Variants in PITPNC1 observed in about 807,000 individuals in gnomAD.
PITPNC1 encodes phosphatidylinositol transfer protein cytoplasmic 1, also known as cytoplasmic phosphatidylinositol transfer protein 1.
In PITPNC1, 18 loss-of-function variants were observed where a neutral mutation model predicts 44.7. The ratio of observed to expected loss-of-function variants is 0.40; its 90% CI spans 0.28 to 0.60. PITPNC1 has a LOEUF of 0.60. Ranked by LOEUF, PITPNC1 falls within the 20% of genes least tolerant of loss-of-function variation. PITPNC1 has a pLI of 0.39. For synonymous variants in PITPNC1, 141 were observed against 149.6 expected, an observed-to-expected ratio of 0.94 and a Z score of 0.42; for missense variants, 290 against 418.4, an observed-to-expected ratio of 0.69 and a Z score of 2.68.
intron 1 of PITPNC1, among the ~76,000 whole-genome samples, chr17:67,491,803 C>CT (rs2039867990): frequency 1.3e-5 from 2 of 152,114 alleles, no homozygotes; most frequent in African/African-American, 2.4e-5. Flanking sequence ...CTGCCTCCAG[C>CT]CTGGGTGACA....
intron 6 of PITPNC1, among the ~76,000 whole-genome samples, chr17:67,647,462 G>GTTTTTTTTTT (rs1491334449): frequency 7.3e-5 from 7 of 96,250 alleles, no homozygotes; most frequent in African/African-American, 3.2e-4. Flanking sequence ...AGCTAATTTT[G>GTTTTTTTTTT]GGTTTTTTTT....
chr17:67,680,370 C>T (rs1397006633), intron 8 of PITPNC1, among the ~76,000 whole-genome samples: 4 of 152,076 alleles, frequency 2.6e-5, no homozygotes, highest in African/African-American at 7.2e-5. Context: ...GAGGCCAAGG[C>T]GGGCAGATCA....
At chr17:67,533,850 A>G (rs2144130565) in intron 2 of PITPNC1, among the ~76,000 whole-genome samples, 1 of 152,154 alleles carries the variant, frequency 6.6e-6, no homozygotes, top group Admixed American at 6.6e-5. Context: ...TTTGCAAAAT[A>G]TATTCTTTAA....
At chr17:67,552,209 G>A (rs2040775150) in intron 2 of PITPNC1, 48 bp from the exon 3 acceptor site, 1 of 910,552 alleles carries the variant, frequency 1.1e-6, no homozygotes, top group Non-Finnish European at 1.8e-6. Context: ...GTAGTGTGGT[G>A]AGACTCTGAA....
At chr17:67,633,793 C>T (rs1454319980) in intron 6 of PITPNC1, among the ~76,000 whole-genome samples, 9 of 152,250 alleles carry the variant, frequency 5.9e-5, no homozygotes, top group African/African-American at 1.4e-4. Flanking sequence ...TGTGACGCCT[C>T]GGGCCCCCCC....
rs532245236 is a variant in PITPNC1 at position 67,444,871 on chromosome 17, T to A, written c.48+66669T>A. Among the ~76,000 whole-genome samples, 124 of 152,082 alleles carry A rather than the reference T, an allele frequency of 8.2e-4. 2 individuals carry two copies. Among genetic ancestry groups the A allele is most frequent in the African/African-American group, 2.7e-3 (110 of 41,508 alleles). Reference sequence around the variant, plus strand: ...AAGATCGCACCACTGCACTCCAGCCTGGGCGACAGAGCGAGACTCGGTCTC... The same window carrying A: ...AAGATCGCACCACTGCACTCCAGCCAGGGCGACAGAGCGAGACTCGGTCTC... On this transcript the variant is annotated intron_variant, in intron 1 of 8. Transcript: ENST00000581322.
At chr17:67,422,701 G>A (rs1045791872) in intron 1 of PITPNC1, among the ~76,000 whole-genome samples, 7 of 151,976 alleles carry the variant, frequency 4.6e-5, no homozygotes, top group African/African-American at 9.7e-5. Context: ...TACTACACTC[G>A]GCTAATTTTT....
At chr17:67,598,870 G>C (rs954254422) in intron 5 of PITPNC1, among the ~76,000 whole-genome samples, 5 of 151,316 alleles carry the variant, frequency 3.3e-5, no homozygotes, top group East Asian at 1.9e-4. Context: ...TCCAGCCTGG[G>C]TGACAAGAGT....
At chr17:67,476,855 T>C (rs1472360276) in intron 1 of PITPNC1, among the ~76,000 whole-genome samples, 1 of 152,088 alleles carries the variant, frequency 6.6e-6, no homozygotes, top group Non-Finnish European at 1.5e-5. Context: ...TGCCTGGGGT[T>C]GAAGCGCTTC....
intron 1 of PITPNC1, among the ~76,000 whole-genome samples, chr17:67,422,638 C>T (rs2038686946): frequency 6.6e-6 from 1 of 151,038 alleles, no homozygotes; most frequent in African/African-American, 2.4e-5. Context: ...ACCTCTACCT[C>T]CCAGGTTCAA....
chr17:67,496,146 C>G (rs1331086237), intron 1 of PITPNC1, among the ~76,000 whole-genome samples: 1 of 152,038 alleles, frequency 6.6e-6, no homozygotes, highest in Non-Finnish European at 1.5e-5. Flanking sequence ...AGTACTTGAC[C>G]TTAGAGGAAA....
At chr17:67,435,960 G>A (rs1057192870) in intron 1 of PITPNC1, among the ~76,000 whole-genome samples, 1 of 152,132 alleles carries the variant, frequency 6.6e-6, no homozygotes, top group African/African-American at 2.4e-5. Context: ...GAGATACATG[G>A]TTGGTGGTTT....
chr17:67,391,779 C>T (rs908048218), intron 1 of PITPNC1, among the ~76,000 whole-genome samples: 3 of 151,920 alleles, frequency 2.0e-5, no homozygotes, highest in Admixed American at 2.0e-4. Flanking sequence ...CCGCACCGGG[C>T]CAAAAAATCC....
At chr17:67,481,959 G>C (rs879278031) in intron 1 of PITPNC1, among the ~76,000 whole-genome samples, 4 of 152,168 alleles carry the variant, frequency 2.6e-5, no homozygotes, top group Non-Finnish European at 5.9e-5. Flanking sequence ...AAATTGAAAG[G>C]CTTGCAATTC....
chr17:67,578,315 C>T, intron 5 of PITPNC1, 58 bp downstream of exon 5: 1 of 1,171,676 alleles, frequency 8.5e-7, no homozygotes, highest in Non-Finnish European at 1.3e-6. Context: ...TATCACAGCA[C>T]TTCTCACAGC....
At chr17:67,585,943 G>A (rs1040859587) in intron 5 of PITPNC1, among the ~76,000 whole-genome samples, 1 of 152,210 alleles carries the variant, frequency 6.6e-6, no homozygotes, top group Admixed American at 6.5e-5. Flanking sequence ...CTCCAGAGCT[G>A]TGAGACAATT....
chr17:67,432,217 C>T (rs1346593250), intron 1 of PITPNC1, among the ~76,000 whole-genome samples: 2 of 152,190 alleles, frequency 1.3e-5, no homozygotes, highest in African/African-American at 2.4e-5. Context: ...TGGCCGGGTG[C>T]GGTGGCTCAC....
At position 67,555,060 on chromosome 17, in the gene PITPNC1, C is replaced by T. The variant is rs887715812; in HGVS notation, c.294+1443C>T. 5.3e-5 allele frequency among the ~76,000 whole-genome samples: 8 copies of T among 151,926 alleles called. No homozygotes were observed. In the East Asian group the frequency reaches 5.8e-4, roughly 11 times the overall value. On this transcript the variant is annotated intron_variant, in intron 4 of 8. Transcript: ENST00000581322. ...TAGGAATATATATAGTATTTCCCCC[C>T]GCAATGTCCCTAACTTTGAAAAAAG...
intron 1 of PITPNC1, among the ~76,000 whole-genome samples, chr17:67,413,455 A>G (rs2038538774): frequency 1.6e-5 from 1 of 63,188 alleles, no homozygotes; most frequent in Non-Finnish European, 3.2e-5. Flanking sequence ...AAGGCTATAT[A>G]AAAAATAGAG....
Sources: gnomAD v4.1 joint callset for allele counts (sites outside exome capture counted in the v4.1 genomes callset) on GRCh38, gnomAD v4.1.1 for gene constraint, MANE v1.5 for transcripts, NCBI Gene and HGNC (gene_info 2026-07-23, HGNC 2026-07-21) for gene names.